The following SHROOM3 variants were observed in gnomAD, a reference collection of about 807,000 sequenced individuals.
SHROOM3 encodes shroom family member 3.
Under a neutral mutation model 138.6 loss-of-function variants are expected in SHROOM3, and 47 were observed. The ratio of observed to expected loss-of-function variants is 0.34; its 90% CI spans 0.27 to 0.43. The LOEUF (loss-of-function observed/expected upper bound fraction) is 0.43, where lower values mean the gene tolerates loss of function less well. Among genes scored for constraint, SHROOM3 ranks in the 20% least tolerant of loss-of-function variants. The probability of loss-of-function intolerance (pLI) is 1.00; values close to 1 mark genes in which losing one functional copy is unlikely to be tolerated. For missense variants in SHROOM3, 2,491 were observed against 2,596.5 expected, an observed-to-expected ratio of 0.96 and a Z score of 0.88; for synonymous variants, 1,062 against 1,063.3, an observed-to-expected ratio of 1.00 and a Z score of 0.02.
intron 1 of SHROOM3, among the ~76,000 whole-genome samples, chr4:76,488,811 T>C (rs1579189057): frequency 6.6e-6 from 1 of 152,142 alleles, no homozygotes; most frequent in Admixed American, 6.5e-5. Context: ...ACACGTTACA[T>C]GTACTAACTC....
At chr4:76,467,766 A>T (rs1731277531) in intron 1 of SHROOM3, among the ~76,000 whole-genome samples, 1 of 152,196 alleles carries the variant, frequency 6.6e-6, no homozygotes, top group African/African-American at 2.4e-5. Context: ...AAACCCGGGT[A>T]TAACTTCAAT....
chr4:76,707,855 G>A (rs766143480), intron 2 of SHROOM3, among the ~76,000 whole-genome samples: 11 of 151,972 alleles, frequency 7.2e-5, no homozygotes, highest in Non-Finnish European at 1.5e-4. Context: ...AAGAGTTGAA[G>A]GGAGGAAAGG....
chr4:76,498,624 C>T (rs1732018831), intron 1 of SHROOM3, among the ~76,000 whole-genome samples: 1 of 151,996 alleles, frequency 6.6e-6, no homozygotes, highest in Non-Finnish European at 1.5e-5. Flanking sequence ...AAACTGAATT[C>T]CTTCTTATCT....
intron 6 of SHROOM3, among the ~76,000 whole-genome samples, chr4:76,750,245 A>C (rs973950510): frequency 2.6e-5 from 4 of 152,294 alleles, no homozygotes; most frequent in Non-Finnish European, 5.9e-5. Context: ...AATAAACTAG[A>C]GTACTGCTAA....
Position 76,778,847 on chromosome 4 carries a change from G to C in SHROOM3, c.5661G>C (p.Gln1887His). 1.2e-6 allele frequency: 2 copies of C among 1,612,692 alleles called. No individual in the cohort carries two copies. Among genetic ancestry groups the C allele is most frequent in the Non-Finnish European group, 1.7e-6 (2 of 1,180,020 alleles). The change falls in exon 11 of 11, where the codon CAG becomes CAC. Residue 1887 changes from glutamine (Q) to histidine (H), a missense_variant. Gln to His is a conservative substitution (Grantham distance 24, BLOSUM62 0). Around this residue, in one of 4 missense-constraint regions of SHROOM3, gnomAD observed 470 missense variants for 595.0 expected, o/e 0.79. Transcript: ENST00000296043. ...AGAAAAGGAAGATCCTGGCTGGTCAGCATGAGGATGCCCGGGAGCTGAAGG... is the reference window on the plus strand; with the variant it reads ...AGAAAAGGAAGATCCTGGCTGGTCACCATGAGGATGCCCGGGAGCTGAAGG... ...LYEKRKILAG[Q>H]HEDARELKEN...
At position 76,739,649 on chromosome 4, in the gene SHROOM3, C is replaced by T. The variant is rs755235073; in HGVS notation, c.1476C>T (p.Tyr492=). Residue 492 remains tyrosine (Y), a synonymous_variant, in exon 5 of 11, where the codon TAC becomes TAT. Coordinates refer to ENST00000296043, the MANE Select transcript of SHROOM3 (RefSeq NM_020859.4). ...QPSVSSNGML[Y]PALAKESGYI... ...CTGTGAGTAGCAACGGTATGCTCTA[C>T]CCTGCACTGGCCAAGGAGAGTGGAT... 9.9e-6 allele frequency: 16 copies of T among 1,614,174 alleles called. No individual in the cohort carries two copies. The East Asian group carries it at 3.1e-4, about 31-fold the overall frequency.
At chr4:76,447,012 C>A (rs1342626792) in intron 1 of SHROOM3, among the ~76,000 whole-genome samples, 2 of 152,194 alleles carry the variant, frequency 1.3e-5, no homozygotes, top group Non-Finnish European at 2.9e-5. Flanking sequence ...TAATAGTACA[C>A]TCTCTTGGCA....
intron 2 of SHROOM3, among the ~76,000 whole-genome samples, chr4:76,696,336 G>A (rs537755974): frequency 2.0e-5 from 3 of 152,146 alleles, no homozygotes; most frequent in South Asian, 2.1e-4. Context: ...CCTTTGTGTC[G>A]GTTCCCATGG....
intron 1 of SHROOM3, among the ~76,000 whole-genome samples, chr4:76,469,058 C>T (rs896580571): frequency 8.6e-5 from 13 of 151,260 alleles, no homozygotes; most frequent in Non-Finnish European, 1.3e-4. Flanking sequence ...AAAAATTAGC[C>T]GGACATGGTG....
rs988066029 is a variant in SHROOM3 at position 76,752,041 on chromosome 4, A to G, written c.3828-2270A>G. The stretch of plus-strand genomic sequence containing the variant: ...ATAGCAGCTGTATTTACTATTCACA[A>G]TAGCCAAGAGGTGGAAACAACCCAA... On this transcript the variant is annotated intron_variant, in intron 6 of 10. Coordinates refer to ENST00000296043, the MANE Select transcript of SHROOM3 (RefSeq NM_020859.4). Among the ~76,000 whole-genome samples the G allele has an allele frequency of 2.0e-5, 3 of 152,254 alleles. No homozygotes were observed. In the South Asian group the frequency reaches 6.2e-4, roughly 31 times the overall value.
chr4:76,614,079 C>G (rs1327163569), intron 2 of SHROOM3, among the ~76,000 whole-genome samples: 1 of 151,938 alleles, frequency 6.6e-6, no homozygotes, highest in Non-Finnish European at 1.5e-5. Flanking sequence ...GAGACAGAGT[C>G]TCTCTCTGTT....
rs551556713 is a variant in SHROOM3, at chr4:76,532,087, C to G, written c.169-23522C>G. 125 of 137,766 alleles carry G rather than the reference C, an allele frequency of 9.1e-4. 2 individuals carry two copies. The highest frequency in any genetic ancestry group is 3.2e-3 in the African/African-American group (117 of 36,132). The allele number at this position is 137,766 out of a possible 1,614,324, so 8.5% of individuals were successfully genotyped here. The stretch of plus-strand genomic sequence containing the variant: ...CCCATCCCATGACAGGCCCTGGTGT[C>G]TGATGTTCCCCTTCCTGTGACCAAG... On this transcript the variant is annotated intron_variant, in intron 1 of 10. Transcript: ENST00000296043.
At chr4:76,705,779 GAAACAT>G (rs1324491573) in intron 2 of SHROOM3, among the ~76,000 whole-genome samples, 1 of 152,194 alleles carries the variant, frequency 6.6e-6, no homozygotes. Context: ...AGAACAGCAA[GAAACAT>G]AAACATAAAA....
chr4:76,718,205 C>T (rs1371693437), intron 3 of SHROOM3, among the ~76,000 whole-genome samples: 1 of 152,082 alleles, frequency 6.6e-6, no homozygotes, highest in Non-Finnish European at 1.5e-5. Flanking sequence ...GATTACAGGG[C>T]TGGTTTTCCC....
intron 1 of SHROOM3, among the ~76,000 whole-genome samples, chr4:76,554,244 A>G (rs766091502): frequency 5.3e-5 from 8 of 151,972 alleles, no homozygotes; most frequent in Admixed American, 6.6e-5. Flanking sequence ...TCACTTAGAA[A>G]TATGCATTTT....
chr4:76,586,366 C>A, intron 2 of SHROOM3: 2 of 985,760 alleles, frequency 2.0e-6, no homozygotes, highest in Non-Finnish European at 2.4e-6. Context: ...CCCAAGCCAC[C>A]AAGCCCCCGC....
chr4:76,491,133 AG>A (rs1347352050), intron 1 of SHROOM3, among the ~76,000 whole-genome samples: 3 of 152,224 alleles, frequency 2.0e-5, no homozygotes, highest in Non-Finnish European at 2.9e-5. Flanking sequence ...TAGAGTCAAA[AG>A]GAGAGGCAAG....
At chr4:76,480,454 T>C (rs950562807) in intron 1 of SHROOM3, among the ~76,000 whole-genome samples, 13 of 152,186 alleles carry the variant, frequency 8.5e-5, no homozygotes, top group Non-Finnish European at 1.3e-4. Flanking sequence ...TAAATACATA[T>C]GCACCCAATA....
At chr4:76,742,057 C>A in intron 5 of SHROOM3, 131 bp downstream of exon 5, 1 of 1,212,566 alleles carries the variant, frequency 8.2e-7, no homozygotes, top group Non-Finnish European at 1.2e-6. Context: ...AGAAAAGTAG[C>A]ATTTGTTTTC....
Sources: gnomAD v4.1 joint callset for allele counts (sites outside exome capture counted in the v4.1 genomes callset) on GRCh38, gnomAD v4.1.1 for gene constraint, gnomAD v4.1.1 regional missense constraint, MANE v1.5 for transcripts, NCBI Gene and HGNC (gene_info 2026-07-23, HGNC 2026-07-21) for gene names.